The following CTSS variants were observed in gnomAD, a reference collection of about 807,000 sequenced individuals.
CTSS encodes the protein cathepsin S.
CTSS carries 15 observed loss-of-function variants against 39.9 expected under a neutral mutation model. That is an observed-to-expected ratio of 0.38 (90% CI 0.25 to 0.58). The LOEUF (loss-of-function observed/expected upper bound fraction) is 0.58, where lower values mean the gene tolerates loss of function less well. Ranked by LOEUF, CTSS falls within the 20% of genes least tolerant of loss-of-function variation. CTSS has a pLI of 0.70. For synonymous variants in CTSS, 126 were observed against 138.2 expected, an observed-to-expected ratio of 0.91 and a Z score of 0.62; for missense variants, 250 against 398.2, an observed-to-expected ratio of 0.63 and a Z score of 3.17.
intron 2 of CTSS, among the ~76,000 whole-genome samples, chr1:150,762,197 A>G (rs957550144): frequency 6.6e-6 from 1 of 152,226 alleles, no homozygotes; most frequent in Non-Finnish European, 1.5e-5. Flanking sequence ...TGTTTAATAA[A>G]TAGTATTGGG....
intron 7 of CTSS, among the ~76,000 whole-genome samples, chr1:150,734,358 T>C (rs1251191048): frequency 6.6e-6 from 1 of 151,002 alleles, no homozygotes; most frequent in Non-Finnish European, 1.5e-5. Context: ...AGCATACTAT[T>C]GGTCGGGCAC....
intron 7 of CTSS, among the ~76,000 whole-genome samples, chr1:150,739,977 C>T (rs587722559): frequency 6.6e-6 from 1 of 152,210 alleles, no homozygotes; most frequent in Non-Finnish European, 1.5e-5. Context: ...TACACATGCA[C>T]CTGCCTGTTT....
At chr1:150,742,942 G>A (rs2101913423) in intron 7 of CTSS, among the ~76,000 whole-genome samples, 1 of 152,242 alleles carries the variant, frequency 6.6e-6, no homozygotes. Context: ...GTAGGGTGAT[G>A]TAGGTGGGGA....
intron 2 of CTSS, among the ~76,000 whole-genome samples, chr1:150,763,150 G>A (rs1653299958): frequency 6.6e-6 from 1 of 151,796 alleles, no homozygotes; most frequent in African/African-American, 2.4e-5. Context: ...ACATGGATGG[G>A]TCTAGAGAAC....
chr1:150,732,916 A>G lies in CTSS; in HGVS notation c.*130T>C, dbSNP rs1457871579. On this transcript the variant is annotated 3_prime_UTR_variant, in exon 8 of 8. Coordinates refer to ENST00000368985, the MANE Select transcript of CTSS (RefSeq NM_004079.5). The stretch of plus-strand genomic sequence containing the variant: ...GAGCCACCGTGCCCGGCCTCAAACT[A>G]TATTTTCTAATTAGTACAGTAAATA... 4.4e-6 allele frequency: 3 copies of G among 687,524 alleles called. No individual in the cohort carries two copies. Among genetic ancestry groups the G allele is most frequent in the Admixed American group, 3.1e-5 (1 of 32,322 alleles). The allele number at this position is 687,524 out of a possible 1,614,324, so 42.6% of individuals were successfully genotyped here. A position where few individuals can be genotyped will look rare whatever the true frequency, so the allele number is the denominator to read the frequency against.
At chr1:150,745,694 G>A (rs994574134) in intron 7 of CTSS, among the ~76,000 whole-genome samples, 2 of 151,970 alleles carry the variant, frequency 1.3e-5, no homozygotes, top group African/African-American at 4.8e-5. Context: ...TATGAATAGA[G>A]ACAGAAATGC....
intron 7 of CTSS, among the ~76,000 whole-genome samples, chr1:150,736,772 T>TA (rs587621048): frequency 0.077 from 11,249 of 145,914 alleles, 1,040 homozygotes; most frequent in African/African-American, 0.23. Flanking sequence ...ATGAAACTGA[T>TA]AAAAAAAAAA....
At chr1:150,749,085 A>G (rs181085131) in intron 6 of CTSS, among the ~76,000 whole-genome samples, 134 of 152,242 alleles carry the variant, frequency 8.8e-4, no homozygotes, top group African/African-American at 2.7e-3. Context: ...CTGAGACACA[A>G]TGATATTGAA....
intron 7 of CTSS, among the ~76,000 whole-genome samples, chr1:150,733,515 CTT>C (rs1652568702): frequency 6.6e-6 from 1 of 152,120 alleles, no homozygotes; most frequent in Admixed American, 6.5e-5. Flanking sequence ...TTCTATCAAA[CTT>C]AAATTCCTCT....
intron 2 of CTSS, among the ~76,000 whole-genome samples, chr1:150,761,913 T>C (rs1220219813): frequency 6.6e-6 from 1 of 152,076 alleles, no homozygotes; most frequent in Admixed American, 6.6e-5. Context: ...TTCACAGAAA[T>C]AGAAAAAACA....
intron 7 of CTSS, among the ~76,000 whole-genome samples, chr1:150,747,478 G>C (rs1486650379): frequency 6.6e-6 from 1 of 152,124 alleles, no homozygotes; most frequent in East Asian, 1.9e-4. Context: ...TAGAGCCCTG[G>C]GGAAAACTAA....
chr1:150,765,394 G>A (rs587638927), intron 1 of CTSS, among the ~76,000 whole-genome samples: 1 of 151,700 alleles, frequency 6.6e-6, no homozygotes, highest in African/African-American at 2.4e-5. Context: ...GAAATTCAGC[G>A]ACTAGCTCCC....
chr1:150,751,956 T>C lies in CTSS; in HGVS notation c.452A>G (p.Gln151Arg), dbSNP rs763149165. The change falls in exon 5 of 8, where the codon CAG becomes CGG. Residue 151 changes from glutamine (Q) to arginine (R), a missense_variant. Gln to Arg is a conservative substitution (Grantham distance 43, BLOSUM62 1). Coordinates refer to ENST00000368985, the MANE Select transcript of CTSS (RefSeq NM_004079.5). ...AFSAVGALEA[Q>R]LKLKTGKLVS... ...CAGCTTTCCTGTTTTCAGCTTCAGCTGTGCTTCCAGGGCCCCCACAGCACT... is the reference window on the plus strand; with the variant it reads ...CAGCTTTCCTGTTTTCAGCTTCAGCCGTGCTTCCAGGGCCCCCACAGCACT... 6 of 1,614,216 alleles carry C rather than the reference T, an allele frequency of 3.7e-6. No homozygotes were observed. Among genetic ancestry groups the C allele is most frequent in the Non-Finnish European group, 5.1e-6 (6 of 1,180,046 alleles).
chr1:150,751,394 T>C (rs1225117866), intron 5 of CTSS, among the ~76,000 whole-genome samples: 3 of 152,016 alleles, frequency 2.0e-5, no homozygotes, highest in Admixed American at 6.6e-5. Context: ...ACCACAGGCA[T>C]GCACCACCAT....
chr1:150,758,049 G>T, intron 2 of CTSS, 69 bp from the exon 3 acceptor site: 2 of 1,512,918 alleles, frequency 1.3e-6, no homozygotes, highest in Non-Finnish European at 8.9e-7. Flanking sequence ...TGATGAAAAT[G>T]GCAATTTTTT....
At chr1:150,738,373 C>CA (rs1394369036) in intron 7 of CTSS, among the ~76,000 whole-genome samples, 2 of 152,168 alleles carry the variant, frequency 1.3e-5, no homozygotes, top group Admixed American at 1.3e-4. Flanking sequence ...TCTATCGGCA[C>CA]AATGTTTCCA....
intron 7 of CTSS, among the ~76,000 whole-genome samples, chr1:150,734,030 C>CT (rs1347618244): frequency 1.2e-3 from 172 of 142,100 alleles, no homozygotes; most frequent in East Asian, 4.3e-3. Flanking sequence ...GTATGGACAT[C>CT]TTTTTTTTTT....
At chr1:150,763,609 T>C (rs2101928908) in intron 2 of CTSS, among the ~76,000 whole-genome samples, 1 of 151,988 alleles carries the variant, frequency 6.6e-6, no homozygotes, top group South Asian at 2.1e-4. Flanking sequence ...AAACTTAGAG[T>C]GTATGACCTA....
At chr1:150,760,029 GAAA>G (rs369047855) in intron 2 of CTSS, among the ~76,000 whole-genome samples, 1 of 138,316 alleles carries the variant, frequency 7.2e-6, no homozygotes, top group African/African-American at 2.6e-5. Flanking sequence ...TGCAAGAAAG[GAAA>G]AAAAAAAAAA....
Sources: allele counts gnomAD v4.1 joint callset (sites outside exome capture counted in the v4.1 genomes callset), GRCh38; gene constraint gnomAD v4.1.1; transcripts MANE v1.5; gene names NCBI Gene and HGNC (gene_info 2026-07-23, HGNC 2026-07-21).